The following FMN2 variants were observed in gnomAD, a reference collection of about 807,000 sequenced individuals.
FMN2 encodes formin 2, also known as formin-2.
Under a neutral mutation model 142.3 loss-of-function variants are expected in FMN2, and 51 were observed. The ratio of observed to expected loss-of-function variants is 0.36; its 90% CI spans 0.29 to 0.45. The LOEUF is 0.45. FMN2 is among the 20% of genes least tolerant of loss of function. The pLI is 1.00. For missense variants in FMN2, 1,936 were observed against 2,122.8 expected (o/e 0.91, Z 1.73); for synonymous variants, 882 against 869.8 (o/e 1.01, Z -0.25).
chr1:240,217,700 G>A (rs1666956423), intron 6 of FMN2, among the ~76,000 whole-genome samples: 1 of 150,792 alleles, frequency 6.6e-6, no homozygotes. Flanking sequence ...ACTATTTGTA[G>A]AGCATACCCA....
chr1:240,464,093 T>G (rs1456613913), intron 16 of FMN2, among the ~76,000 whole-genome samples: 1 of 152,094 alleles, frequency 6.6e-6, no homozygotes, highest in East Asian at 1.9e-4. Flanking sequence ...AATCAACAAG[T>G]AGATTTGCCA....
intron 2 of FMN2, among the ~76,000 whole-genome samples, chr1:240,128,059 G>A (rs1162283944): frequency 2.6e-5 from 4 of 152,156 alleles, no homozygotes; most frequent in African/African-American, 9.7e-5. Context: ...ATTCACTGAG[G>A]TAGAGAAGAC....
Position 240,235,611 on chromosome 1 carries a change from G to T in FMN2, c.4066-22334G>T, listed in dbSNP as rs540950170. Reference sequence around the variant, plus strand: ...TTTTTTATTATTTTTTTTAGAAATGGGTTCTCACTATGTTGCCCAGGCTGG... The same window carrying T: ...TTTTTTATTATTTTTTTTAGAAATGTGTTCTCACTATGTTGCCCAGGCTGG... On this transcript the variant is annotated intron_variant, in intron 6 of 17. Transcript: ENST00000319653. Among the ~76,000 whole-genome samples, 18 of 151,674 alleles carry T rather than the reference G, an allele frequency of 1.2e-4. No individual in the cohort carries two copies. The South Asian group carries it at 3.5e-3, about 30-fold the overall frequency.
At chr1:240,270,587 A>G (rs1361826057) in intron 7 of FMN2, among the ~76,000 whole-genome samples, 2 of 152,132 alleles carry the variant, frequency 1.3e-5, no homozygotes, top group East Asian at 3.9e-4. Context: ...TGAAATGGAA[A>G]CAACCTAAGT....
intron 14 of FMN2, among the ~76,000 whole-genome samples, chr1:240,372,184 C>T (rs184855065): frequency 1.3e-5 from 2 of 152,050 alleles, no homozygotes; most frequent in African/African-American, 2.4e-5. Flanking sequence ...TTCAGTAAGC[C>T]GAGATCACGT....
At chr1:240,242,322 A>C (rs1667939461) in intron 6 of FMN2, among the ~76,000 whole-genome samples, 1 of 152,190 alleles carries the variant, frequency 6.6e-6, no homozygotes, top group Non-Finnish European at 1.5e-5. Flanking sequence ...CGAGGGAGAT[A>C]TTGTTATCAA....
intron 3 of FMN2, among the ~76,000 whole-genome samples, chr1:240,187,200 G>A (rs1484063554): frequency 6.7e-6 from 1 of 149,104 alleles, no homozygotes; most frequent in African/African-American, 2.5e-5. Flanking sequence ...AACCCAGGAG[G>A]CGGAGGTTGC....
chr1:240,342,227 G>A (rs891663746), intron 13 of FMN2, among the ~76,000 whole-genome samples: 2 of 152,298 alleles, frequency 1.3e-5, no homozygotes, highest in South Asian at 2.1e-4. Context: ...ACTGCTCTGT[G>A]TTTTCAACAG....
At chr1:240,292,762 T>A (rs1669839729) in intron 7 of FMN2, among the ~76,000 whole-genome samples, 1 of 152,200 alleles carries the variant, frequency 6.6e-6, no homozygotes, top group Non-Finnish European at 1.5e-5. Flanking sequence ...CTTCGATAAT[T>A]GTAATCTTTC....
At chr1:240,338,031 G>C (rs1476675361) in intron 13 of FMN2, among the ~76,000 whole-genome samples, 1 of 152,164 alleles carries the variant, frequency 6.6e-6, no homozygotes, top group Non-Finnish European at 1.5e-5. Context: ...TCTTGAATAG[G>C]AATTGTAGCA....
At chr1:240,291,141 G>A (rs759349883) in intron 7 of FMN2, among the ~76,000 whole-genome samples, 2 of 152,060 alleles carry the variant, frequency 1.3e-5, no homozygotes, top group Non-Finnish European at 2.9e-5. Context: ...GTGGTCATTT[G>A]TAGGTTGTTT....
intron 2 of FMN2, chr1:240,144,335 A>G: frequency 6.2e-7 from 1 of 1,606,406 alleles, no homozygotes; most frequent in South Asian, 1.1e-5. Context: ...GGTTTTGTAG[A>G]TGTCATCAGG....
At chr1:240,269,100 G>A (rs12029304) in intron 7 of FMN2, among the ~76,000 whole-genome samples, 40,917 of 151,572 alleles carry the variant, frequency 0.27, 5,667 homozygotes, top group Middle Eastern at 0.35. Flanking sequence ...TGTGCTTTTG[G>A]GTCATATCCG....
chr1:240,191,622 C>T (rs1311534913), intron 4 of FMN2, among the ~76,000 whole-genome samples: 1 of 152,090 alleles, frequency 6.6e-6, no homozygotes, highest in East Asian at 1.9e-4. Flanking sequence ...AACTGTAAAG[C>T]CTTTTATACT....
At chr1:240,430,565 T>C (rs1219544116) in intron 15 of FMN2, among the ~76,000 whole-genome samples, 1 of 152,106 alleles carries the variant, frequency 6.6e-6, no homozygotes. Flanking sequence ...GTAATAAATT[T>C]TGTTTGGCCC....
At chr1:240,124,562 G>T (rs751761084) in intron 2 of FMN2, among the ~76,000 whole-genome samples, 32 of 152,170 alleles carry the variant, frequency 2.1e-4, no homozygotes, top group Non-Finnish European at 1.0e-4. Flanking sequence ...GGATGAGTAC[G>T]CCTCTAAAAC....
rs1253249988 is a variant in FMN2 at position 240,144,788 on chromosome 1, A to G, written c.1782+21443A>G. The stretch of plus-strand genomic sequence containing the variant: ...GGCCTCATGCTCTGCGTCGTGGACC[A>G]TGTTGTAGGGGACGATTTCCTTCAC... On this transcript the variant is annotated intron_variant, in intron 2 of 17. Coordinates refer to ENST00000319653, the MANE Select transcript of FMN2 (RefSeq NM_020066.5). The G allele has an allele frequency of 1.7e-5, 24 of 1,418,236 alleles. No homozygotes were observed. In the South Asian group the frequency reaches 1.8e-4, roughly 11 times the overall value. The allele number at this position is 1,418,236 out of a possible 1,614,324, so 87.9% of individuals were successfully genotyped here.
intron 14 of FMN2, among the ~76,000 whole-genome samples, chr1:240,367,795 A>ATCCTTCCC (rs1672733393): frequency 6.6e-6 from 1 of 150,398 alleles, no homozygotes; most frequent in Non-Finnish European, 1.5e-5. Context: ...AAAAAAAGAA[A>ATCCTTCCC]TCCTTCCCTT....
intron 13 of FMN2, among the ~76,000 whole-genome samples, chr1:240,352,406 A>T (rs963559117): frequency 2.6e-5 from 4 of 152,050 alleles, no homozygotes; most frequent in Non-Finnish European, 5.9e-5. Flanking sequence ...ATGTGATGAA[A>T]CCCTCTCTCT....
Sources: gnomAD v4.1 joint callset for allele counts (sites outside exome capture counted in the v4.1 genomes callset) on GRCh38, gnomAD v4.1.1 for gene constraint, MANE v1.5 for transcripts, NCBI Gene and HGNC (gene_info 2026-07-23, HGNC 2026-07-21) for gene names.